GCH1: variants seen among roughly 807,000 people sequenced by gnomAD.
GCH1 encodes GTP cyclohydrolase I.
In GCH1, 5 loss-of-function variants were observed where a neutral mutation model predicts 25.9. That is an observed-to-expected ratio of 0.19 (90% CI 0.10 to 0.41). The LOEUF is 0.41. Among genes scored for constraint, GCH1 ranks in the 10% least tolerant of loss-of-function variants. The pLI is 1.00. For missense variants in GCH1, 261 were observed against 336.5 expected, an observed-to-expected ratio of 0.78 and a Z score of 1.75; for synonymous variants, 159 against 129.6, an observed-to-expected ratio of 1.23 and a Z score of -1.54.
rs1022317780 is a variant in GCH1 at position 54,902,328 on chromosome 14, G to T, written c.336C>A (p.Thr112=). ...MQFFTKGYQE[T]ISDVLNDAIF... is the part of the protein sequence containing the mutation. ...GCCCGCGGGCGCACTGACCTGAGAT[G>T]GTCTCCTGGTAGCCCTTGGTGAAGA... The change falls in exon 1 of 6, where the codon ACC becomes ACA. Residue 112 remains threonine (T), a synonymous_variant. Coordinates refer to ENST00000491895, the MANE Select transcript of GCH1 (RefSeq NM_000161.3). 2 of 1,612,444 alleles carry T rather than the reference G, an allele frequency of 1.2e-6. No individual in the cohort carries two copies. Among genetic ancestry groups the T allele is most frequent in the South Asian group, 1.1e-5 (1 of 91,032 alleles).
intron 1 of GCH1, among the ~76,000 whole-genome samples, chr14:54,900,876 CACACACA>C (rs1390108000): frequency 1.3e-5 from 2 of 149,084 alleles, no homozygotes; most frequent in African/African-American, 5.0e-5. Context: ...CACACACACA[CACACACA>C]CACACAAATT....
chr14:54,896,793 G>A (rs1031237206), intron 1 of GCH1, among the ~76,000 whole-genome samples: 9 of 151,172 alleles, frequency 6.0e-5, no homozygotes, highest in Non-Finnish European at 1.0e-4. Context: ...GGTAGCGGGC[G>A]CCTGTAATCC....
In GCH1 at chr14:54,883,507, G is replaced by A. The variant is rs531270499; in HGVS notation, c.344-18071C>T. On this transcript the variant is annotated intron_variant, in intron 1 of 5. Transcript: ENST00000491895. ...ATCCTGGCTAAGACGGACAAAGTCC[G>A]TCTCTACTAAAAATACAAAAAATTA... Among the ~76,000 whole-genome samples, 9 of 151,544 alleles carry A rather than the reference G, an allele frequency of 5.9e-5. No homozygotes were observed. The East Asian group carries it at 1.4e-3, about 23-fold the overall frequency.
At chr14:54,887,198 T>C (rs2040364040) in intron 1 of GCH1, among the ~76,000 whole-genome samples, 1 of 152,232 alleles carries the variant, frequency 6.6e-6, no homozygotes, top group African/African-American at 2.4e-5. Context: ...AAAAAGGAAC[T>C]TCTCTAGAGA....
intron 1 of GCH1, among the ~76,000 whole-genome samples, chr14:54,872,692 G>T (rs555564486): frequency 1.4e-4 from 21 of 152,260 alleles, no homozygotes; most frequent in Non-Finnish European, 2.9e-4. Context: ...GGCAGGGGTT[G>T]CAATCCTAGT....
Position 54,844,210 on chromosome 14 carries a change from G to A in GCH1, c.627-67C>T, listed in dbSNP as rs556212415. On this transcript the variant is annotated intron_variant, in intron 5 of 5. Coordinates refer to ENST00000491895, the MANE Select transcript of GCH1 (RefSeq NM_000161.3). ...GCTGCTGGTTTGGTTTTTAAAAGCA[G>A]GCCTAAAGATTAAATCTCAGCTCAC... is the stretch of plus-strand genomic sequence containing the variant. 5.9e-6 allele frequency: 6 copies of A among 1,011,678 alleles called. No individual in the cohort carries two copies. In the African/African-American group the frequency reaches 6.3e-5, roughly 11 times the overall value. The allele number at this position is 1,011,678 out of a possible 1,614,324, so 62.7% of individuals were successfully genotyped here.
intron 1 of GCH1, among the ~76,000 whole-genome samples, chr14:54,872,965 A>T (rs916050230): frequency 2.0e-5 from 3 of 151,470 alleles, no homozygotes; most frequent in African/African-American, 7.3e-5. Flanking sequence ...GTTAACAAGG[A>T]TATCCAGGAA....
intron 3 of GCH1, among the ~76,000 whole-genome samples, chr14:54,848,365 G>A (rs1032759821): frequency 5.9e-5 from 9 of 152,078 alleles, no homozygotes; most frequent in African/African-American, 1.9e-4. Context: ...TCGAACTTCT[G>A]ACCTCGTGAT....
intron 5 of GCH1, 135 bp from the exon 6 acceptor site, chr14:54,844,278 A>C: frequency 1.3e-6 from 1 of 763,106 alleles, no homozygotes; most frequent in Non-Finnish European, 2.4e-6. Flanking sequence ...CACAAATGTT[A>C]TCTATTAGGT....
At chr14:54,870,727 A>G (rs1325622396) in intron 1 of GCH1, among the ~76,000 whole-genome samples, 1 of 152,064 alleles carries the variant, frequency 6.6e-6, no homozygotes, top group Non-Finnish European at 1.5e-5. Context: ...GGAGGGTCCT[A>G]CTCCCACAGA....
chr14:54,863,039 T>C (rs966345002), intron 2 of GCH1, among the ~76,000 whole-genome samples: 12 of 152,064 alleles, frequency 7.9e-5, no homozygotes, highest in South Asian at 4.1e-4. Context: ...TTTGAGACAA[T>C]TGGAGAAATT....
intron 1 of GCH1, among the ~76,000 whole-genome samples, chr14:54,897,375 G>A (rs746717385): frequency 2.0e-5 from 3 of 150,422 alleles, no homozygotes; most frequent in Admixed American, 6.6e-5. Flanking sequence ...TGCAATTTCC[G>A]CCTCCTGGGT....
intron 1 of GCH1, among the ~76,000 whole-genome samples, chr14:54,891,510 A>G (rs1291137701): frequency 2.0e-5 from 3 of 150,838 alleles, no homozygotes; most frequent in Non-Finnish European, 4.4e-5. Context: ...CCCGGGTTCA[A>G]GTGATTCTCG....
At chr14:54,860,741 G>A (rs11620796) in intron 2 of GCH1, among the ~76,000 whole-genome samples, 597 of 152,070 alleles carry the variant, frequency 3.9e-3, no homozygotes, top group Admixed American at 6.9e-3. Context: ...GTGTTTCACC[G>A]TGTTAGCCAG....
At chr14:54,850,555 T>C (rs1218615025) in intron 3 of GCH1, among the ~76,000 whole-genome samples, 3 of 152,148 alleles carry the variant, frequency 2.0e-5, no homozygotes, top group African/African-American at 7.2e-5. Context: ...TTGTTACATA[T>C]GTATGTAAGT....
chr14:54,895,575 T>C (rs1411317193), intron 1 of GCH1, among the ~76,000 whole-genome samples: 1 of 152,162 alleles, frequency 6.6e-6, no homozygotes, highest in Non-Finnish European at 1.5e-5. Flanking sequence ...AATAGCAGAC[T>C]CTCCAATTTA....
At chr14:54,892,370 A>G (rs1217393760) in intron 1 of GCH1, among the ~76,000 whole-genome samples, 1 of 152,222 alleles carries the variant, frequency 6.6e-6, no homozygotes, top group African/African-American at 2.4e-5. Context: ...TTAAAATATA[A>G]TATGTGTTGA....
intron 1 of GCH1, among the ~76,000 whole-genome samples, chr14:54,868,395 T>A (rs909380368): frequency 6.6e-6 from 1 of 151,542 alleles, no homozygotes; most frequent in African/African-American, 2.4e-5. Flanking sequence ...CCAAATAGAG[T>A]GACAGGGCAA....
chr14:54,849,821 C>T (rs1594973916), intron 3 of GCH1, among the ~76,000 whole-genome samples: 1 of 152,254 alleles, frequency 6.6e-6, no homozygotes, highest in East Asian at 1.9e-4. Flanking sequence ...TTTCTTTAGA[C>T]CTTTCTTCCC....
Sources: allele counts gnomAD v4.1 joint callset (sites outside exome capture counted in the v4.1 genomes callset), GRCh38; gene constraint gnomAD v4.1.1; transcripts MANE v1.5; gene names NCBI Gene and HGNC (gene_info 2026-07-23, HGNC 2026-07-21).